Variants in MTR observed in about 807,000 individuals in gnomAD.
MTR encodes methionine synthase.
A neutral mutation model predicts 154.8 loss-of-function variants in MTR; 84 were observed. That is an observed-to-expected ratio of 0.54 (90% CI 0.45 to 0.65). MTR has a LOEUF of 0.65. MTR is among the 30% of genes least tolerant of loss of function. MTR has a pLI of 0.00. For missense variants in MTR, 1,275 were observed against 1,570.2 expected, an observed-to-expected ratio of 0.81 and a Z score of 3.18; for synonymous variants, 554 against 553.9, an observed-to-expected ratio of 1.00 and a Z score of 0.00.
Position 236,852,665 on chromosome 1 carries a change from G to A in MTR, c.1812+28G>A, listed in dbSNP as rs776999320. 19 of 1,594,692 alleles carry A rather than the reference G, an allele frequency of 1.2e-5. No individual in the cohort carries two copies. The East Asian group carries it at 1.3e-4, about 11-fold the overall frequency. ...ATGGTAGAAGAACTCTTAGCCCTGC[G>A]GAAACCAGTTTTTAGTTGGGGCAGG... is the stretch of plus-strand genomic sequence containing the variant. On this transcript the variant is annotated intron_variant, in intron 17 of 32. Coordinates refer to ENST00000366577, the MANE Select transcript of MTR (RefSeq NM_000254.3).
At chr1:236,872,631 C>G (rs1158178644) in intron 22 of MTR, among the ~76,000 whole-genome samples, 1 of 151,990 alleles carries the variant, frequency 6.6e-6, no homozygotes, top group Non-Finnish European at 1.5e-5. Flanking sequence ...TTCTCTGGGC[C>G]CCTTCTCATT....
chr1:236,890,634 G>A (rs1666264533), intron 28 of MTR, among the ~76,000 whole-genome samples: 1 of 152,284 alleles, frequency 6.6e-6, no homozygotes, highest in East Asian at 1.9e-4. Context: ...TGGTACTGTT[G>A]AAGGCCCCAA....
In MTR at chr1:236,883,664, T is replaced by A. The variant is rs115338172; in HGVS notation, c.2677-1457T>A. On this transcript the variant is annotated intron_variant, in intron 25 of 32. Transcript: ENST00000366577. ...GTTTAATGTAAGGCTGGGGAATACT[T>A]TGTGGTGTGAACACTATTTAGGAAC... Among the ~76,000 whole-genome samples the A allele has an allele frequency of 4.1e-3, 627 of 152,270 alleles. 4 individuals carry two copies. Among genetic ancestry groups the A allele is most frequent in the African/African-American group, 0.015 (608 of 41,538 alleles).
Position 236,897,618 on chromosome 1 carries a change from C to A in MTR, c.3772C>A (p.Pro1258Thr). 1.2e-6 allele frequency: 2 copies of A among 1,613,574 alleles called. No homozygotes were observed. The highest frequency in any genetic ancestry group is 8.5e-7 in the Non-Finnish European group (1 of 1,179,838). The change falls in exon 33 of 33, where the codon CCC becomes ACC. Residue 1258 changes from proline (P) to threonine (T), a missense_variant. By Grantham distance (38) the Pro-to-Thr change is conservative (BLOSUM62 -1). Coordinates refer to ENST00000366577, the MANE Select transcript of MTR (RefSeq NM_000254.3). ...GGCTGAGGTTGAGAAATGGCTTGGA[C>A]CCATTTTGGGATATGATACAGACTA... ...SVAEVEKWLG[P>T]ILGYDTD is the part of the protein sequence containing the mutation.
At chr1:236,806,889 G>T (rs1374562646) in intron 3 of MTR, among the ~76,000 whole-genome samples, 2 of 152,084 alleles carry the variant, frequency 1.3e-5, no homozygotes, top group Non-Finnish European at 2.9e-5. Context: ...TGTCCTCAAG[G>T]TTCATCCATG....
intron 14 of MTR, among the ~76,000 whole-genome samples, chr1:236,837,316 C>T (rs1558298759): frequency 6.6e-6 from 1 of 152,142 alleles, no homozygotes. Context: ...AAATTGCTGA[C>T]TACTCATTCT....
At chr1:236,829,914 ATGGTAACT>A (rs909942498) in intron 12 of MTR, among the ~76,000 whole-genome samples, 12 of 152,338 alleles carry the variant, frequency 7.9e-5, no homozygotes, top group African/African-American at 2.9e-4. Flanking sequence ...GATGTATTAA[ATGGTAACT>A]TTAAGCAGAA....
rs952055978 is a variant in MTR at position 236,899,720 on chromosome 1, T to G, written c.*2076T>G. On this transcript the variant is annotated 3_prime_UTR_variant, in exon 33 of 33. Coordinates refer to ENST00000366577, the MANE Select transcript of MTR (RefSeq NM_000254.3). ...ATGATCCACAACTTGAGAAGACATT[T>G]ATAATACAAATAACTGATGAAGGAT... 16 of 152,186 alleles carry G rather than the reference T, an allele frequency of 1.1e-4. No homozygotes were observed. Among genetic ancestry groups the G allele is most frequent in the African/African-American group, 3.9e-4 (16 of 41,434 alleles). 9.4% of individuals were successfully genotyped at this position (152,186 alleles called of 1,614,324 possible).
At chr1:236,809,589 T>G (rs1463388566) in intron 4 of MTR, among the ~76,000 whole-genome samples, 1 of 152,190 alleles carries the variant, frequency 6.6e-6, no homozygotes, top group Non-Finnish European at 1.5e-5. Flanking sequence ...GAGTCACAGG[T>G]CAGAGGACAC....
chr1:236,896,139 C>T (rs191649331), intron 31 of MTR, among the ~76,000 whole-genome samples: 8 of 152,208 alleles, frequency 5.3e-5, no homozygotes, highest in Non-Finnish European at 8.8e-5. Context: ...GGCCCAGACA[C>T]CCGGCCTCAG....
chr1:236,815,493 G>T lies in MTR; in HGVS notation c.610-111G>T, dbSNP rs1326369831. ...GACACTTCTTCCCAGAGAGCTTGAT[G>T]TATATCTTATCTGAAGAGGTCTTAG... On this transcript the variant is annotated intron_variant, in intron 6 of 32. Transcript: ENST00000366577. 1.3e-5 allele frequency: 13 copies of T among 1,035,382 alleles called. 1 individual carries two copies. The highest frequency in any genetic ancestry group is 2.0e-5 in the Non-Finnish European group (13 of 661,002). The allele number at this position is 1,035,382 out of a possible 1,614,324, so 64.1% of individuals were successfully genotyped here.
chr1:236,838,675 C>T (rs1490117345), intron 15 of MTR, 76 bp downstream of exon 15: 1 of 1,471,850 alleles, frequency 6.8e-7, no homozygotes, highest in Non-Finnish European at 9.4e-7. Context: ...AAGTCTGAAA[C>T]AGCTACATAT....
Position 236,863,468 on chromosome 1 carries a change from C to T in MTR, c.2319C>T (p.Gly773=). The T allele has an allele frequency of 9.9e-6, 16 of 1,613,988 alleles. No individual in the cohort carries two copies. Among genetic ancestry groups the T allele is most frequent in the Non-Finnish European group, 1.4e-5 (16 of 1,179,916 alleles). The change falls in exon 22 of 33, where the codon GGC becomes GGT. Residue 773 remains glycine (G), a synonymous_variant. Coordinates refer to ENST00000366577, the MANE Select transcript of MTR (RefSeq NM_000254.3). Reference sequence around the variant, plus strand: ...TTCCTTTCCAGGACCCTTACCAGGGCACCATCGTGCTGGCCACTGTTAAAG... The same window carrying T: ...TTCCTTTCCAGGACCCTTACCAGGGTACCATCGTGCTGGCCACTGTTAAAG... The part of the protein sequence containing the change: ...GTVEEEDPYQ[G]TIVLATVKGD...
intron 15 of MTR, among the ~76,000 whole-genome samples, chr1:236,847,147 A>G (rs1336685326): frequency 3.3e-5 from 5 of 152,120 alleles, no homozygotes; most frequent in African/African-American, 4.8e-5. Flanking sequence ...TCAGCCTCCC[A>G]AAGTGCTGGG....
intron 15 of MTR, 65 bp downstream of exon 15, chr1:236,838,664 C>T: frequency 1.9e-6 from 3 of 1,574,372 alleles, no homozygotes; most frequent in East Asian, 4.5e-5. Context: ...GGAGAAAATG[C>T]AAGTCTGAAA....
chr1:236,831,007 T>A (rs2103125450), intron 12 of MTR, among the ~76,000 whole-genome samples: 1 of 152,362 alleles, frequency 6.6e-6, no homozygotes, highest in East Asian at 1.9e-4. Flanking sequence ...ATTCTGTGCC[T>A]GTCAATGTTA....
intron 17 of MTR, 43 bp downstream of exon 17, chr1:236,852,680 G>T (rs1558311372): frequency 1.3e-6 from 2 of 1,547,390 alleles, no homozygotes; most frequent in Non-Finnish European, 1.8e-6. Flanking sequence ...CCAGTTTTTA[G>T]TTGGGGCAGG....
At chr1:236,825,592 G>A (rs1337652885) in intron 10 of MTR, among the ~76,000 whole-genome samples, 193 bp downstream of exon 10, 1 of 152,148 alleles carries the variant, frequency 6.6e-6, no homozygotes, top group Non-Finnish European at 1.5e-5. Context: ...TCCTCAGCTG[G>A]CACTAGTGGC....
At chr1:236,844,503 T>A (rs12029689) in intron 15 of MTR, among the ~76,000 whole-genome samples, 4,370 of 126,746 alleles carry the variant, frequency 0.034, 234 homozygotes, top group East Asian at 0.23. Flanking sequence ...TGTGTGTGTG[T>A]AGATGCTGTG....
Sources: gnomAD v4.1 joint callset for allele counts (sites outside exome capture counted in the v4.1 genomes callset) on GRCh38, gnomAD v4.1.1 for gene constraint, MANE v1.5 for transcripts, NCBI Gene and HGNC (gene_info 2026-07-23, HGNC 2026-07-21) for gene names.